NLGN1: variants seen among roughly 807,000 people sequenced by gnomAD.
The protein encoded by NLGN1 is neuroligin-1.
NLGN1 carries 12 observed loss-of-function variants against 65.5 expected under a neutral mutation model. That is an observed-to-expected ratio of 0.18 (90% CI 0.12 to 0.30). The LOEUF (loss-of-function observed/expected upper bound fraction) is 0.30. Among genes scored for constraint, NLGN1 ranks in the 10% least tolerant of loss-of-function variants. The pLI is 1.00. For synonymous variants in NLGN1, 350 were observed against 359.5 expected (o/e 0.97, Z 0.30); for missense variants, 750 against 1,007.1 (o/e 0.74, Z 3.46).
intron 4 of NLGN1, among the ~76,000 whole-genome samples, chr3:173,898,714 A>G (rs553944677): frequency 2.2e-4 from 33 of 152,290 alleles, no homozygotes; most frequent in African/African-American, 7.7e-4. Context: ...TTAACTGTGA[A>G]TCCATTTTTA....
rs529539301 is a variant in NLGN1, at chr3:173,981,859, TTAAG to T, written c.646+174031_646+174034del. Reference sequence around the variant, plus strand: ...TTCTCTTTAATATATGTTGCCTAACTTAAGTAATATGTGTATGAGTGTTATAATC... The same window carrying T: ...TTCTCTTTAATATATGTTGCCTAACTTAATATGTGTATGAGTGTTATAATC... On this transcript the variant is annotated intron_variant, in intron 4 of 6. Coordinates refer to ENST00000457714, the Ensembl canonical transcript of NLGN1. Among the ~76,000 whole-genome samples the T allele has an allele frequency of 2.1e-3, 315 of 152,218 alleles. 2 individuals are homozygous for T. Among genetic ancestry groups the T allele is most frequent in the African/African-American group, 7.4e-3 (308 of 41,546 alleles).
chr3:173,579,298 T>A (rs6778726), intron 2 of NLGN1, among the ~76,000 whole-genome samples: 74,188 of 152,016 alleles, frequency 0.49, 18,445 homozygotes, highest in East Asian at 0.73. Flanking sequence ...ACATAGTGAA[T>A]CCTTGTCTCT....
chr3:174,199,971 A>G (rs146806203), intron 4 of NLGN1, among the ~76,000 whole-genome samples: 32 of 152,186 alleles, frequency 2.1e-4, no homozygotes, highest in African/African-American at 6.0e-4. Flanking sequence ...TTTCCTGCCA[A>G]TGGCCATTTC....
chr3:173,508,213 C>T (rs1346673861), intron 2 of NLGN1, among the ~76,000 whole-genome samples: 1 of 152,042 alleles, frequency 6.6e-6, no homozygotes, highest in Admixed American at 6.6e-5. Context: ...AATTTTGGTT[C>T]ATAATGTTAG....
chr3:174,141,342 C>G (rs1220656707), intron 4 of NLGN1, among the ~76,000 whole-genome samples: 1 of 152,044 alleles, frequency 6.6e-6, no homozygotes, highest in Non-Finnish European at 1.5e-5. Flanking sequence ...CCTAATCTTT[C>G]ATCTTGTCAC....
At chr3:173,841,267 C>G (rs1476069287) in intron 4 of NLGN1, among the ~76,000 whole-genome samples, 1 of 151,990 alleles carries the variant, frequency 6.6e-6, no homozygotes, top group Admixed American at 6.6e-5. Context: ...ACATTTTCCC[C>G]AAATACAGAT....
intron 2 of NLGN1, among the ~76,000 whole-genome samples, chr3:173,443,405 A>G (rs1441319599): frequency 2.7e-5 from 4 of 150,628 alleles, no homozygotes; most frequent in African/African-American, 9.7e-5. Flanking sequence ...AATTTTTTGA[A>G]ACTGTACTCC....
intron 2 of NLGN1, among the ~76,000 whole-genome samples, chr3:173,458,123 C>T (rs1044156730): frequency 1.3e-5 from 2 of 151,926 alleles, no homozygotes; most frequent in African/African-American, 4.8e-5. Context: ...ACTGAGGCCC[C>T]AGGTCTGCCT....
chr3:173,675,887 T>TCTCTCTCTCTCTCTCTCTCTCTCACA (rs756157881), intron 3 of NLGN1, among the ~76,000 whole-genome samples: 1 of 138,578 alleles, frequency 7.2e-6, no homozygotes, highest in African/African-American at 2.8e-5. Flanking sequence ...TCTCTCTCTC[T>TCTCTCTCTCTCTCTCTCTCTCTCACA]CACACACACA....
intron 4 of NLGN1, among the ~76,000 whole-genome samples, chr3:173,988,673 C>T (rs1720455833): frequency 6.6e-6 from 1 of 152,134 alleles, no homozygotes; most frequent in Non-Finnish European, 1.5e-5. Context: ...AACCTTCTCT[C>T]TTCTACTTTT....
intron 3 of NLGN1, among the ~76,000 whole-genome samples, chr3:173,736,109 G>C (rs1266760838): frequency 6.6e-6 from 1 of 151,998 alleles, no homozygotes; most frequent in African/African-American, 2.4e-5. Context: ...CCCTAGGTTA[G>C]AGACAAGATA....
chr3:174,276,282 G>GTTCT (rs1353140726), intron 5 of NLGN1, among the ~76,000 whole-genome samples: 3 of 151,746 alleles, frequency 2.0e-5, no homozygotes, highest in South Asian at 2.1e-4. Context: ...TTACCATGTT[G>GTTCT]TTCTTTATGA....
At chr3:173,849,109 T>C (rs984886548) in intron 4 of NLGN1, among the ~76,000 whole-genome samples, 4 of 152,140 alleles carry the variant, frequency 2.6e-5, no homozygotes, top group African/African-American at 9.7e-5. Context: ...TTTGATCTAT[T>C]GTATAAGCTT....
chr3:174,197,518 C>CAA (rs10663769), intron 4 of NLGN1, among the ~76,000 whole-genome samples: 20,644 of 100,186 alleles, frequency 0.21, 2,489 homozygotes, highest in East Asian at 0.47. Context: ...TACTTAACCT[C>CAA]AAAAAAAAAA....
chr3:173,617,985 C>T (rs1417064904), intron 3 of NLGN1, among the ~76,000 whole-genome samples: 3 of 151,984 alleles, frequency 2.0e-5, no homozygotes, highest in Non-Finnish European at 4.4e-5. Context: ...ACGTTTTCTC[C>T]AAGGCATTTA....
At chr3:173,502,098 AT>A (rs968377002) in intron 2 of NLGN1, among the ~76,000 whole-genome samples, 5 of 151,954 alleles carry the variant, frequency 3.3e-5, no homozygotes, top group Admixed American at 6.6e-5. Context: ...ACACTGTAAT[AT>A]TTTTTTCCAC....
intron 3 of NLGN1, among the ~76,000 whole-genome samples, chr3:173,701,115 C>T (rs1488794760): frequency 6.6e-6 from 1 of 151,898 alleles, no homozygotes; most frequent in Non-Finnish European, 1.5e-5. Flanking sequence ...GGTGACACAG[C>T]GAGACTCCGT....
At chr3:173,618,635 G>A (rs765655569) in intron 3 of NLGN1, among the ~76,000 whole-genome samples, 4 of 152,110 alleles carry the variant, frequency 2.6e-5, no homozygotes, top group Non-Finnish European at 5.9e-5. Context: ...CATGGTTAGT[G>A]TCCCCAAAAC....
chr3:173,984,465 CA>C (rs1328712429), intron 4 of NLGN1, among the ~76,000 whole-genome samples: 3 of 152,124 alleles, frequency 2.0e-5, no homozygotes, highest in African/African-American at 7.2e-5. Flanking sequence ...CTCATATGGT[CA>C]AAAAATTCAA....
Sources: allele counts gnomAD v4.1 joint callset (sites outside exome capture counted in the v4.1 genomes callset), GRCh38; gene constraint gnomAD v4.1.1; transcripts MANE v1.5; gene names NCBI Gene and HGNC (gene_info 2026-07-23, HGNC 2026-07-21).